Variants in MAST4 observed in about 807,000 individuals in gnomAD.
MAST4 encodes microtubule associated serine/threonine kinase family member 4.
MAST4 carries 89 observed loss-of-function variants against 162.7 expected under a neutral mutation model. The observed-to-expected ratio is 0.55, with a 90% confidence interval of 0.46 to 0.65. MAST4 has a LOEUF of 0.65. Ranked by LOEUF, MAST4 falls within the 30% of genes least tolerant of loss-of-function variation. The pLI is 0.00. For missense variants in MAST4, 3,153 were observed against 3,374.0 expected, an observed-to-expected ratio of 0.93 and a Z score of 1.62; for synonymous variants, 1,479 against 1,361.1, an observed-to-expected ratio of 1.09 and a Z score of -1.91.
intron 5 of MAST4, among the ~76,000 whole-genome samples, chr5:67,082,582 A>G (rs1193725782): frequency 6.6e-6 from 1 of 152,212 alleles, no homozygotes; most frequent in African/African-American, 2.4e-5. Flanking sequence ...GAATAGCTCT[A>G]AAGGACATTA....
chr5:66,692,828 T>C (rs1183738143), intron 1 of MAST4, among the ~76,000 whole-genome samples: 2 of 152,184 alleles, frequency 1.3e-5, no homozygotes, highest in Non-Finnish European at 2.9e-5. Context: ...AGTATATATA[T>C]ACTTCAAGGT....
rs912146419 is a variant in MAST4 at position 66,721,798 on chromosome 5, T to C, written c.364-37911T>C. Among the ~76,000 whole-genome samples the C allele has an allele frequency of 3.3e-5, 5 of 151,842 alleles. No homozygotes were observed. In the South Asian group the frequency reaches 8.3e-4, roughly 25 times the overall value. ...ACTTCTTGTCTACCCACCAGTCCTG[T>C]TCTGCTGGACTCCTCCATCCCAGGA... On this transcript the variant is annotated intron_variant, in intron 1 of 28. Coordinates refer to ENST00000403625, the MANE Select transcript of MAST4 (RefSeq NM_001164664.2).
intron 3 of MAST4, among the ~76,000 whole-genome samples, chr5:66,891,755 AT>A (rs1762378174): frequency 6.6e-6 from 1 of 152,208 alleles, no homozygotes; most frequent in African/African-American, 2.4e-5. Context: ...ATTCCCAGAC[AT>A]TGCAAAAGAA....
chr5:67,147,962 A>G (rs1018873246), intron 23 of MAST4, among the ~76,000 whole-genome samples: 1 of 152,196 alleles, frequency 6.6e-6, no homozygotes, highest in Non-Finnish European at 1.5e-5. Flanking sequence ...GCTGCTGTCC[A>G]AGTTCCCAGC....
At chr5:66,805,800 T>C (rs1756156448) in intron 3 of MAST4, among the ~76,000 whole-genome samples, 1 of 152,292 alleles carries the variant, frequency 6.6e-6, no homozygotes, top group Middle Eastern at 3.4e-3. Flanking sequence ...GTGGCAGGTC[T>C]CCAAAGGCTG....
At chr5:66,942,697 A>G (rs950743115) in intron 4 of MAST4, among the ~76,000 whole-genome samples, 5 of 152,148 alleles carry the variant, frequency 3.3e-5, no homozygotes, top group African/African-American at 4.8e-5. Context: ...TCCTGTCATG[A>G]TAAAGTAGCC....
At chr5:66,985,844 C>T (rs1749420374) in intron 4 of MAST4, among the ~76,000 whole-genome samples, 1 of 152,098 alleles carries the variant, frequency 6.6e-6, no homozygotes, top group Non-Finnish European at 1.5e-5. Flanking sequence ...GTGAAAACTC[C>T]AGCAGGTGGT....
At chr5:66,924,529 G>T (rs1042058764) in intron 4 of MAST4, among the ~76,000 whole-genome samples, 2 of 151,952 alleles carry the variant, frequency 1.3e-5, no homozygotes, top group African/African-American at 4.8e-5. Flanking sequence ...GAGTAGCTGG[G>T]ACTATAGGCG....
intron 1 of MAST4, among the ~76,000 whole-genome samples, chr5:66,642,615 A>C (rs1411812899): frequency 6.6e-6 from 1 of 152,164 alleles, no homozygotes; most frequent in Non-Finnish European, 1.5e-5. Flanking sequence ...GCCGATTTGT[A>C]ATGGAAGCTG....
At chr5:66,761,052 TG>T (rs1753826045) in intron 2 of MAST4, among the ~76,000 whole-genome samples, 2 of 152,202 alleles carry the variant, frequency 1.3e-5, no homozygotes, top group South Asian at 4.1e-4. Flanking sequence ...ACGATCCAAT[TG>T]CTGTGCGTTC....
intron 2 of MAST4, among the ~76,000 whole-genome samples, chr5:66,774,880 T>A (rs954362620): frequency 2.6e-5 from 4 of 152,220 alleles, no homozygotes; most frequent in African/African-American, 9.6e-5. Flanking sequence ...CAATAAATAC[T>A]GGAATGGTTA....
intron 3 of MAST4, among the ~76,000 whole-genome samples, chr5:66,889,062 T>C (rs551896540): frequency 2.0e-5 from 3 of 152,346 alleles, no homozygotes; most frequent in African/African-American, 4.8e-5. Context: ...TTATGAACAT[T>C]GTAGCTTTTA....
At chr5:66,862,906 G>A (rs948407074) in intron 3 of MAST4, among the ~76,000 whole-genome samples, 8 of 152,194 alleles carry the variant, frequency 5.3e-5, no homozygotes, top group Admixed American at 6.5e-5. Flanking sequence ...AATTGTGTCA[G>A]TTTCTCTTCC....
At chr5:66,907,554 GCTT>G (rs1763452568) in intron 4 of MAST4, among the ~76,000 whole-genome samples, 2 of 151,516 alleles carry the variant, frequency 1.3e-5, no homozygotes, top group South Asian at 4.2e-4. Context: ...TAGGAAGTGA[GCTT>G]CTATATAATG....
At chr5:66,885,199 T>C (rs942966609) in intron 3 of MAST4, among the ~76,000 whole-genome samples, 2 of 152,136 alleles carry the variant, frequency 1.3e-5, no homozygotes, top group East Asian at 1.9e-4. Context: ...TGCAGTGTGA[T>C]ATGGTGCATC....
chr5:67,078,849 T>G (rs552943069), intron 5 of MAST4, among the ~76,000 whole-genome samples: 1 of 111,774 alleles, frequency 8.9e-6, no homozygotes, highest in Non-Finnish European at 1.6e-5. Flanking sequence ...TAAATATATT[T>G]ATATATTTAT....
At chr5:67,156,824 C>T (rs368466257) in intron 26 of MAST4, among the ~76,000 whole-genome samples, 2 of 152,278 alleles carry the variant, frequency 1.3e-5, no homozygotes, top group African/African-American at 2.4e-5. Flanking sequence ...CAAAAGCAGT[C>T]GTTCGGTGAG....
intron 4 of MAST4, among the ~76,000 whole-genome samples, chr5:66,915,708 G>A (rs1764070904): frequency 1.3e-5 from 2 of 152,122 alleles, no homozygotes; most frequent in South Asian, 4.1e-4. Context: ...GAGGGTCAGT[G>A]CTGTCTTGGG....
chr5:66,788,369 T>C (rs116697083), intron 2 of MAST4, among the ~76,000 whole-genome samples: 187 of 152,288 alleles, frequency 1.2e-3, no homozygotes, highest in African/African-American at 4.0e-3. Context: ...TGTGTACTTA[T>C]ATATATTCTC....
Sources: allele counts gnomAD v4.1 joint callset (sites outside exome capture counted in the v4.1 genomes callset), GRCh38; gene constraint gnomAD v4.1.1; transcripts MANE v1.5; gene names NCBI Gene and HGNC (gene_info 2026-07-23, HGNC 2026-07-21).